STXBP6: variants seen among roughly 807,000 people sequenced by gnomAD.
STXBP6 encodes syntaxin-binding protein 6.
STXBP6 carries 21 observed loss-of-function variants against 26.9 expected under a neutral mutation model. The ratio of observed to expected loss-of-function variants is 0.78; its 90% confidence interval spans 0.55 to 1.12. The LOEUF (loss-of-function observed/expected upper bound fraction) is 1.12, where lower values mean the gene tolerates loss of function less well. STXBP6 is among the 50% of genes most tolerant of loss of function. STXBP6 has a pLI of 0.00. For missense variants in STXBP6, 232 were observed against 257.9 expected, an observed-to-expected ratio of 0.90 and a Z score of 0.69; for synonymous variants, 97 against 92.6, an observed-to-expected ratio of 1.05 and a Z score of -0.27.
At chr14:24,829,485 T>A (rs747252856) in intron 4 of STXBP6, among the ~76,000 whole-genome samples, 10 of 152,216 alleles carry the variant, frequency 6.6e-5, no homozygotes, top group Non-Finnish European at 1.2e-4. Context: ...TTCCTTTCCA[T>A]GCATATAATC....
intron 2 of STXBP6, among the ~76,000 whole-genome samples, chr14:24,960,412 ATATTT>A (rs1341186157): frequency 6.6e-6 from 1 of 152,234 alleles, no homozygotes; most frequent in Non-Finnish European, 1.5e-5. Context: ...CAATAGATGC[ATATTT>A]TAAATTACAT....
chr14:25,023,849 G>C (rs895995067), intron 1 of STXBP6, among the ~76,000 whole-genome samples: 1 of 152,146 alleles, frequency 6.6e-6, no homozygotes, highest in Admixed American at 6.5e-5. Flanking sequence ...TACAGCCATA[G>C]TCTTTTAGCA....
chr14:24,904,143 C>T (rs1011543873), intron 2 of STXBP6, among the ~76,000 whole-genome samples: 17 of 152,264 alleles, frequency 1.1e-4, no homozygotes, highest in Admixed American at 1.0e-3. Flanking sequence ...TTGTCACTCG[C>T]TCATATGAGA....
chr14:24,850,068 AT>A (rs1421360394), intron 4 of STXBP6, among the ~76,000 whole-genome samples: 3 of 152,150 alleles, frequency 2.0e-5, no homozygotes, highest in Admixed American at 2.0e-4. Context: ...TTAAAGTACT[AT>A]ATTAATATAT....
At chr14:24,878,131 G>A (rs1373289859) in intron 2 of STXBP6, among the ~76,000 whole-genome samples, 2 of 152,042 alleles carry the variant, frequency 1.3e-5, no homozygotes, top group Non-Finnish European at 2.9e-5. Flanking sequence ...TTAGCCCTTT[G>A]TGATTTGAGT....
chr14:24,958,970 T>C (rs977462836), intron 2 of STXBP6, among the ~76,000 whole-genome samples: 1 of 152,142 alleles, frequency 6.6e-6, no homozygotes, highest in Non-Finnish European at 1.5e-5. Context: ...AGAACAATGA[T>C]CTAAACAGGA....
intron 2 of STXBP6, among the ~76,000 whole-genome samples, chr14:24,912,936 A>G (rs1013996271): frequency 9.2e-5 from 14 of 152,136 alleles, no homozygotes; most frequent in Admixed American, 3.9e-4. Flanking sequence ...CACCACAGGT[A>G]TTTTCAGAAG....
At chr14:24,901,876 G>A (rs2071225660) in intron 2 of STXBP6, among the ~76,000 whole-genome samples, 1 of 152,104 alleles carries the variant, frequency 6.6e-6, no homozygotes, top group African/African-American at 2.4e-5. Flanking sequence ...CTGGAAAGGG[G>A]AATAAAAGAG....
At chr14:25,040,802 G>A (rs996407672) in intron 1 of STXBP6, among the ~76,000 whole-genome samples, 1 of 152,116 alleles carries the variant, frequency 6.6e-6, no homozygotes, top group Non-Finnish European at 1.5e-5. Flanking sequence ...ATCCAGTGGG[G>A]AATGAAAGCA....
chr14:24,813,313 C>T (rs1490638114), intron 5 of STXBP6, among the ~76,000 whole-genome samples: 2 of 152,088 alleles, frequency 1.3e-5, no homozygotes, highest in Non-Finnish European at 2.9e-5. Context: ...TTGTAAAACA[C>T]GGTCTATTGA....
intron 4 of STXBP6, among the ~76,000 whole-genome samples, chr14:24,854,173 G>A (rs555376536): frequency 1.5e-3 from 230 of 152,180 alleles, no homozygotes; most frequent in African/African-American, 5.3e-3. Flanking sequence ...GGACTGCCTA[G>A]TGCAGTCTGT....
chr14:25,015,458 G>T (rs536160560), intron 1 of STXBP6, among the ~76,000 whole-genome samples: 1 of 151,700 alleles, frequency 6.6e-6, no homozygotes, highest in African/African-American at 2.4e-5. Context: ...TTAATGTCAA[G>T]ATTCCACACC....
chr14:24,821,965 C>T (rs1016042224), intron 4 of STXBP6, among the ~76,000 whole-genome samples: 2 of 152,134 alleles, frequency 1.3e-5, no homozygotes, highest in African/African-American at 4.8e-5. Flanking sequence ...TTCCCTCACT[C>T]TCTTCTCCTT....
chr14:25,012,348 G>A (rs1450718474), intron 1 of STXBP6, among the ~76,000 whole-genome samples: 1 of 152,216 alleles, frequency 6.6e-6, no homozygotes, highest in Non-Finnish European at 1.5e-5. Context: ...CATGCACACA[G>A]TCAGGCATGT....
intron 2 of STXBP6, among the ~76,000 whole-genome samples, chr14:24,872,166 T>C (rs1309183977): frequency 1.3e-5 from 2 of 152,066 alleles, no homozygotes; most frequent in Non-Finnish European, 2.9e-5. Context: ...TATTAGCAAA[T>C]CGGCAGATTC....
At chr14:25,039,140 TA>T (rs2075601567) in intron 1 of STXBP6, among the ~76,000 whole-genome samples, 1 of 152,186 alleles carries the variant, frequency 6.6e-6, no homozygotes, top group Non-Finnish European at 1.5e-5. Context: ...TATACACAAT[TA>T]TTTTTCAATT....
intron 2 of STXBP6, among the ~76,000 whole-genome samples, chr14:24,967,455 C>T (rs2140157549): frequency 6.6e-6 from 1 of 152,318 alleles, no homozygotes; most frequent in Admixed American, 6.5e-5. Flanking sequence ...CTCCTTTTCA[C>T]TTCATGTAAC....
intron 1 of STXBP6, among the ~76,000 whole-genome samples, chr14:24,980,020 A>C (rs8017228): frequency 0.52 from 78,555 of 152,080 alleles, 22,878 homozygotes; most frequent in African/African-American, 0.81. Flanking sequence ...AAGGAAAAAG[A>C]CAATTTTGTA....
At chr14:24,888,978 C>T (rs1344024653) in intron 2 of STXBP6, among the ~76,000 whole-genome samples, 2 of 152,040 alleles carry the variant, frequency 1.3e-5, no homozygotes, top group Non-Finnish European at 2.9e-5. Flanking sequence ...GGCAGCCAGA[C>T]CATACTTTTT....
Sources: gnomAD v4.1 joint callset for allele counts (sites outside exome capture counted in the v4.1 genomes callset) on GRCh38, gnomAD v4.1.1 for gene constraint, MANE v1.5 for transcripts, NCBI Gene and HGNC (gene_info 2026-07-23, HGNC 2026-07-21) for gene names.